The following NRG3 variants were observed in gnomAD, a reference collection of about 807,000 sequenced individuals.
The protein encoded by NRG3 is pro-neuregulin-3, membrane-bound isoform.
In NRG3, 31 loss-of-function variants were observed where a neutral mutation model predicts 66.9. The observed-to-expected ratio is 0.46, with a 90% CI of 0.35 to 0.63. The LOEUF is 0.63. Ranked by LOEUF, NRG3 falls within the 20% of genes least tolerant of loss-of-function variation. NRG3 has a pLI of 0.00. For synonymous variants in NRG3, 393 were observed against 359.4 expected, an observed-to-expected ratio of 1.09 and a Z score of -1.06; for missense variants, 910 against 878.9, an observed-to-expected ratio of 1.04 and a Z score of -0.45.
chr10:82,310,876 T>C (rs1054350769), intron 1 of NRG3, among the ~76,000 whole-genome samples: 1 of 152,182 alleles, frequency 6.6e-6, no homozygotes, highest in Non-Finnish European at 1.5e-5. Flanking sequence ...GTAAAAGGAA[T>C]ACATCATCAG....
rs559570863 is a variant in NRG3 at position 82,053,047 on chromosome 10, C to G, written c.823+176884C>G. Among the ~76,000 whole-genome samples, 14 of 141,044 alleles carry G rather than the reference C, an allele frequency of 9.9e-5. No individual in the cohort carries two copies. The East Asian group carries it at 1.2e-3, about 12-fold the overall frequency. 92.5% of individuals were successfully genotyped at this position (141,044 alleles called of 152,430 possible). On this transcript the variant is annotated intron_variant, in intron 1 of 8. Transcript: ENST00000372141. ...CAAATGTTTTTATTCATTCATTTAT[C>G]AAATTAATTATTCATCAAATGTTTT...
At chr10:82,020,472 T>C (rs2062010477) in intron 1 of NRG3, among the ~76,000 whole-genome samples, 1 of 152,114 alleles carries the variant, frequency 6.6e-6, no homozygotes, top group Admixed American at 6.6e-5. Flanking sequence ...TATAAGTATC[T>C]AGAATAGAAA....
At chr10:82,199,789 A>G (rs2074674396) in intron 1 of NRG3, among the ~76,000 whole-genome samples, 1 of 152,050 alleles carries the variant, frequency 6.6e-6, no homozygotes, top group Non-Finnish European at 1.5e-5. Context: ...GTTTTTCTGT[A>G]TCAATCTAAT....
At chr10:81,882,165 A>C (rs1237102446) in intron 1 of NRG3, among the ~76,000 whole-genome samples, 1 of 152,176 alleles carries the variant, frequency 6.6e-6, no homozygotes, top group Non-Finnish European at 1.5e-5. Context: ...AAAGTGCACA[A>C]CTCAGCTGGC....
intron 1 of NRG3, among the ~76,000 whole-genome samples, chr10:82,251,664 G>C (rs1332436424): frequency 6.6e-6 from 1 of 152,204 alleles, no homozygotes; most frequent in Non-Finnish European, 1.5e-5. Flanking sequence ...ATTGATCAGT[G>C]TGGGATTTCG....
At chr10:82,648,931 T>A (rs1433411753) in intron 2 of NRG3, among the ~76,000 whole-genome samples, 1 of 152,072 alleles carries the variant, frequency 6.6e-6, no homozygotes, top group Non-Finnish European at 1.5e-5. Flanking sequence ...CAACCCTTCA[T>A]GCTAAAAACT....
chr10:82,585,898 A>G (rs1315437973), intron 2 of NRG3, among the ~76,000 whole-genome samples: 1 of 152,224 alleles, frequency 6.6e-6, no homozygotes, highest in Admixed American at 6.5e-5. Context: ...TATTAACACA[A>G]TAATGTGTTC....
intron 4 of NRG3, among the ~76,000 whole-genome samples, chr10:82,888,460 A>T (rs1474598405): frequency 6.6e-6 from 1 of 152,190 alleles, no homozygotes; most frequent in African/African-American, 2.4e-5. Flanking sequence ...GAATTTAAAA[A>T]ATCCCCAGAC....
intron 1 of NRG3, among the ~76,000 whole-genome samples, chr10:82,180,237 C>A (rs1187166363): frequency 1.3e-5 from 2 of 151,318 alleles, no homozygotes; most frequent in Non-Finnish European, 3.0e-5. Context: ...TATTTTATTT[C>A]TTTTTCTTGT....
At chr10:82,060,867 C>T (rs556437381) in intron 1 of NRG3, among the ~76,000 whole-genome samples, 8 of 152,268 alleles carry the variant, frequency 5.3e-5, no homozygotes, top group East Asian at 1.9e-4. Context: ...TGGTGCGGTT[C>T]GCTCTTTCTG....
At chr10:82,360,687 A>G (rs1446740859) in intron 2 of NRG3, among the ~76,000 whole-genome samples, 1 of 152,198 alleles carries the variant, frequency 6.6e-6, no homozygotes, top group Non-Finnish European at 1.5e-5. Context: ...TGGCTTCACT[A>G]TGGAAATTTA....
intron 4 of NRG3, among the ~76,000 whole-genome samples, chr10:82,921,331 A>G (rs1346003163): frequency 6.6e-6 from 1 of 152,192 alleles, no homozygotes. Flanking sequence ...ACAAACTGTC[A>G]TAAACAAGGA....
chr10:82,193,827 G>T (rs1157533005), intron 1 of NRG3, among the ~76,000 whole-genome samples: 1 of 152,168 alleles, frequency 6.6e-6, no homozygotes, highest in Non-Finnish European at 1.5e-5. Context: ...ATACCCTAAG[G>T]GGAGTAGTCA....
intron 2 of NRG3, among the ~76,000 whole-genome samples, chr10:82,584,088 G>T (rs1172165584): frequency 1.3e-5 from 2 of 152,042 alleles, no homozygotes; most frequent in African/African-American, 4.8e-5. Flanking sequence ...TGTTTCATTT[G>T]AATTTATTTA....
rs370777671 is a variant in NRG3, at chr10:82,878,253, C to G, written c.1054+12816C>G. 2.0e-5 allele frequency among the ~76,000 whole-genome samples: 3 copies of G among 152,256 alleles called. No individual in the cohort carries two copies. The South Asian group carries it at 6.2e-4, about 32-fold the overall frequency. The stretch of plus-strand genomic sequence containing the variant: ...GATGTAGTTGGTGAAGGGGCCAGAG[C>G]AGATTATGACCACCCTATCTGCCCT... On this transcript the variant is annotated intron_variant, in intron 4 of 8. Transcript: ENST00000372141.
chr10:82,950,508 C>G (rs1301001885), intron 4 of NRG3, among the ~76,000 whole-genome samples: 6 of 152,132 alleles, frequency 3.9e-5, no homozygotes, highest in African/African-American at 1.4e-4. Context: ...TTTCTTCCCC[C>G]ATTCTGAGCT....
At chr10:82,314,199 C>G (rs889209744) in intron 1 of NRG3, among the ~76,000 whole-genome samples, 1 of 152,088 alleles carries the variant, frequency 6.6e-6, no homozygotes, top group South Asian at 2.1e-4. Context: ...CATTTTATCC[C>G]CTATTTTCTC....
chr10:82,149,029 C>CCAAA (rs1167751098), intron 1 of NRG3, among the ~76,000 whole-genome samples: 1 of 150,494 alleles, frequency 6.6e-6, no homozygotes, highest in Non-Finnish European at 1.5e-5. Flanking sequence ...CAGACCTCAC[C>CCAAA]CAAACAATTC....
chr10:82,269,750 C>T (rs1023613878), intron 1 of NRG3, among the ~76,000 whole-genome samples: 2 of 152,102 alleles, frequency 1.3e-5, no homozygotes, highest in African/African-American at 4.8e-5. Flanking sequence ...TTGCTAGGTC[C>T]CCCTTGAGAA....
Sources: allele counts gnomAD v4.1 joint callset (sites outside exome capture counted in the v4.1 genomes callset), GRCh38; gene constraint gnomAD v4.1.1; transcripts MANE v1.5; gene names NCBI Gene and HGNC (gene_info 2026-07-23, HGNC 2026-07-21).